The following GNA12 variants were observed in gnomAD, a reference collection of about 807,000 sequenced individuals.
The protein encoded by GNA12 is guanine nucleotide-binding protein subunit alpha-12.
In GNA12, 9 loss-of-function variants were observed where a neutral mutation model predicts 26.0. That is an observed-to-expected ratio of 0.35 (90% confidence interval 0.21 to 0.60). The LOEUF (loss-of-function observed/expected upper bound fraction) is 0.60, where lower values mean the gene tolerates loss of function less well. Ranked by LOEUF, GNA12 falls within the 20% of genes least tolerant of loss-of-function variation. The pLI is 0.78. For missense variants in GNA12, 405 were observed against 525.8 expected (o/e 0.77, Z 2.25); for synonymous variants, 264 against 219.6 (o/e 1.20, Z -1.79).
chr7:2,774,020 CGT>C (rs1792014002), intron 2 of GNA12, among the ~76,000 whole-genome samples: 1 of 152,118 alleles, frequency 6.6e-6, no homozygotes, highest in Non-Finnish European at 1.5e-5. Flanking sequence ...GAGTAAATAC[CGT>C]GTGAGGCCAC....
rs1228846249 is a variant in GNA12, at chr7:2,786,761, G to A, written c.525+8167C>T. On this transcript the variant is annotated intron_variant, in intron 2 of 3. Coordinates refer to ENST00000275364, the MANE Select transcript of GNA12 (RefSeq NM_007353.3). ...GACCGGGACTGATGCTGTCCCTGGG[G>A]CAGGTGTCTCTGAGCTGCTATAACC... Among the ~76,000 whole-genome samples, 3 of 152,322 alleles carry A rather than the reference G, an allele frequency of 2.0e-5. 1 individual carries two copies. In the East Asian group the frequency reaches 5.8e-4, roughly 29 times the overall value.
At chr7:2,750,236 G>T (rs1473457180) in intron 2 of GNA12, among the ~76,000 whole-genome samples, 2 of 152,186 alleles carry the variant, frequency 1.3e-5, no homozygotes, top group Non-Finnish European at 2.9e-5. Context: ...TCCCAGCTCT[G>T]CTTAGACCCA....
intron 2 of GNA12, among the ~76,000 whole-genome samples, chr7:2,743,443 A>C (rs555978831): frequency 2.6e-4 from 39 of 152,374 alleles, no homozygotes; most frequent in African/African-American, 9.4e-4. Flanking sequence ...CAAATATCCC[A>C]GATACTGGGA....
chr7:2,748,688 C>A (rs1487074087), intron 2 of GNA12, among the ~76,000 whole-genome samples: 1 of 152,140 alleles, frequency 6.6e-6, no homozygotes, highest in Non-Finnish European at 1.5e-5. Flanking sequence ...AGAGTTTCTG[C>A]ACAGCAAAAG....
intron 2 of GNA12, among the ~76,000 whole-genome samples, chr7:2,743,774 CAAAG>C (rs1435745681): frequency 1.3e-5 from 2 of 152,162 alleles, no homozygotes; most frequent in Admixed American, 6.5e-5. Context: ...CTTTCCTACT[CAAAG>C]AAAGGGGTGA....
At chr7:2,777,258 G>A (rs1230117873) in intron 2 of GNA12, among the ~76,000 whole-genome samples, 1 of 152,276 alleles carries the variant, frequency 6.6e-6, no homozygotes, top group East Asian at 1.9e-4. Flanking sequence ...AGAGGGTAAC[G>A]GAATGAATAA....
intron 2 of GNA12, among the ~76,000 whole-genome samples, chr7:2,759,831 G>T (rs1791473373): frequency 6.6e-6 from 1 of 152,184 alleles, no homozygotes; most frequent in Non-Finnish European, 1.5e-5. Context: ...TCTGCAACGG[G>T]TGCAGATGCC....
intron 2 of GNA12, chr7:2,763,227 CA>C: frequency 2.8e-6 from 1 of 352,458 alleles, no homozygotes; most frequent in Non-Finnish European, 4.2e-6. Flanking sequence ...CACACACACA[CA>C]CACGGTCTCA....
In GNA12 at chr7:2,844,188, G is replaced by T; in HGVS notation, c.-27C>A. 1 of 975,766 alleles carries T rather than the reference G, an allele frequency of 1.0e-6. No homozygotes were observed. The highest frequency in any genetic ancestry group is 1.2e-6 in the Non-Finnish European group (1 of 823,868). 60.4% of individuals were successfully genotyped at this position (975,766 alleles called of 1,614,324 possible). ...GCCCCTCAGGCCGCGGCCGCGCCCC[G>T]CCGGCGCCCGGGGGCCATGGACGCT... On this transcript the variant is annotated 5_prime_UTR_variant, in exon 1 of 4. Coordinates refer to ENST00000275364, the MANE Select transcript of GNA12 (RefSeq NM_007353.3).
intron 2 of GNA12, chr7:2,763,238 A>C: frequency 2.0e-5 from 8 of 398,892 alleles, no homozygotes; most frequent in Non-Finnish European, 2.8e-5. Context: ...ACACGGTCTC[A>C]ACACAGTTCA....
chr7:2,775,336 C>A (rs1159627261), intron 2 of GNA12: 2 of 152,284 alleles, frequency 1.3e-5, no homozygotes, highest in Non-Finnish European at 1.5e-5. Context: ...GGGAAGGAGA[C>A]AGAGCCAGCC....
rs78201589 is a variant in GNA12 at position 2,818,760 on chromosome 7, A to G, written c.310-23617T>C. 1.1e-4 allele frequency among the ~76,000 whole-genome samples: 6 copies of G among 52,730 alleles called. No homozygotes were observed. In the South Asian group the frequency reaches 2.4e-3, roughly 21 times the overall value. The allele number at this position is 52,730 out of a possible 152,430, so 34.6% of individuals were successfully genotyped here. ...CGTGGGTGACAGAGACCCTAACTTG[A>G]AAAAAAAAAAAAAAAGCAAAGGACA... On this transcript the variant is annotated intron_variant, in intron 1 of 3. Coordinates refer to ENST00000275364, the MANE Select transcript of GNA12 (RefSeq NM_007353.3).
chr7:2,784,240 C>A lies in GNA12; in HGVS notation c.525+10688G>T, dbSNP rs898162162. Among the ~76,000 whole-genome samples the A allele has an allele frequency of 4.6e-5, 7 of 152,196 alleles. No homozygotes were observed. The East Asian group carries it at 7.7e-4, about 17-fold the overall frequency. On this transcript the variant is annotated intron_variant, in intron 2 of 3. Coordinates refer to ENST00000275364, the MANE Select transcript of GNA12 (RefSeq NM_007353.3). ...TCATGGGATCCTCCCACCTCGGCTT[C>A]CCGAGTAGTTGGAACTATAGTCACA...
intron 1 of GNA12, among the ~76,000 whole-genome samples, chr7:2,808,889 C>G (rs1338536651): frequency 6.6e-6 from 1 of 152,214 alleles, no homozygotes; most frequent in East Asian, 1.9e-4. Flanking sequence ...AACTCAGGTC[C>G]TCAAAGAGGC....
intron 1 of GNA12, among the ~76,000 whole-genome samples, chr7:2,829,429 T>C (rs1475156869): frequency 6.6e-6 from 1 of 152,208 alleles, no homozygotes; most frequent in Non-Finnish European, 1.5e-5. Flanking sequence ...GTGGGTAGGA[T>C]TCAGAGACAT....
intron 1 of GNA12, among the ~76,000 whole-genome samples, chr7:2,833,399 T>C (rs1310657518): frequency 6.6e-6 from 1 of 152,140 alleles, no homozygotes; most frequent in African/African-American, 2.4e-5. Flanking sequence ...CAGAAAATAA[T>C]TACGAGCTGT....
intron 2 of GNA12, among the ~76,000 whole-genome samples, chr7:2,756,319 A>T (rs573277431): frequency 2.0e-5 from 3 of 152,358 alleles, no homozygotes; most frequent in Admixed American, 1.3e-4. Context: ...TATGTCCTAT[A>T]TAAATCTAAT....
At chr7:2,800,561 T>C (rs758676388) in intron 1 of GNA12, among the ~76,000 whole-genome samples, 10 of 152,238 alleles carry the variant, frequency 6.6e-5, no homozygotes, top group Admixed American at 2.0e-4. Flanking sequence ...TGTGAACCTA[T>C]ACTTATTTCA....
At chr7:2,775,514 T>C (rs908686100) in intron 2 of GNA12, 1 of 152,168 alleles carries the variant, frequency 6.6e-6, no homozygotes, top group African/African-American at 2.4e-5. Flanking sequence ...TCGTGCCCAG[T>C]GTCTCGAAAA....
Sources: allele counts gnomAD v4.1 joint callset (sites outside exome capture counted in the v4.1 genomes callset), GRCh38; gene constraint gnomAD v4.1.1; transcripts MANE v1.5; gene names NCBI Gene and HGNC (gene_info 2026-07-23, HGNC 2026-07-21).